Variants in DOCK1 observed in about 807,000 individuals in gnomAD.
DOCK1 encodes dedicator of cytokinesis 1.
DOCK1 carries 138 observed loss-of-function variants against 262.7 expected under a neutral mutation model. The observed-to-expected ratio is 0.53, with a 90% CI of 0.46 to 0.61. The LOEUF (loss-of-function observed/expected upper bound fraction) is 0.61, where lower values mean the gene tolerates loss of function less well. Among genes scored for constraint, DOCK1 ranks in the 20% least tolerant of loss-of-function variants. DOCK1 has a pLI of 0.00. For missense variants in DOCK1, 1,908 were observed against 2,370.7 expected, an observed-to-expected ratio of 0.80 and a Z score of 4.05; for synonymous variants, 866 against 867.4, an observed-to-expected ratio of 1.00 and a Z score of 0.03.
chr10:126,997,964 C>A, intron 7 of DOCK1, 128 bp from the exon 8 acceptor site: 2 of 1,214,596 alleles, frequency 1.6e-6, no homozygotes, highest in Non-Finnish European at 2.3e-6. Context: ...AAGAAAGTGA[C>A]TGCACCAAGG....
At chr10:127,380,173 G>T (rs1026486986) in intron 36 of DOCK1, 51 bp downstream of exon 36, 17 of 1,325,034 alleles carry the variant, frequency 1.3e-5, no homozygotes, top group Non-Finnish European at 1.7e-5. Flanking sequence ...AATAATATAT[G>T]TTGTATGTTT....
At chr10:126,918,034 T>G (rs1160390301) in intron 1 of DOCK1, among the ~76,000 whole-genome samples, 1 of 152,206 alleles carries the variant, frequency 6.6e-6, no homozygotes, top group African/African-American at 2.4e-5. Flanking sequence ...TGAGAGCTTG[T>G]GCTGCCTGCA....
chr10:127,350,854 G>T (rs186273632), intron 31 of DOCK1, among the ~76,000 whole-genome samples: 2 of 152,290 alleles, frequency 1.3e-5, no homozygotes, highest in African/African-American at 4.8e-5. Context: ...CCCAGCCTGA[G>T]ATTTTAAAGG....
At chr10:127,145,383 C>T (rs973450461) in intron 27 of DOCK1, among the ~76,000 whole-genome samples, 3 of 152,190 alleles carry the variant, frequency 2.0e-5, no homozygotes, top group African/African-American at 4.8e-5. Context: ...GCCAGGAAGA[C>T]GAGTCATGAT....
At chr10:127,243,389 C>T (rs1031907848) in intron 27 of DOCK1, among the ~76,000 whole-genome samples, 9 of 152,180 alleles carry the variant, frequency 5.9e-5, no homozygotes, top group South Asian at 2.1e-4. Context: ...CTGAATGTCC[C>T]CCTGCTCCAC....
At position 126,999,446 on chromosome 10, in the gene DOCK1, C is replaced by T. The variant is rs1366817224; in HGVS notation, c.849+11C>T. On this transcript the variant is annotated intron_variant, in intron 9 of 51. Transcript: ENST00000623213. ...CGAGCCGTGTTTACTGTAAGTGCAC[C>T]CAAAGATGCTTAGTTGAATTGGCTA... The T allele has an allele frequency of 2.5e-6, 4 of 1,609,254 alleles. No individual in the cohort carries two copies. Among genetic ancestry groups the T allele is most frequent in the East Asian group, 2.2e-5 (1 of 44,868 alleles).
At chr10:127,093,276 C>T (rs1366713150) in intron 23 of DOCK1, among the ~76,000 whole-genome samples, 3 of 79,184 alleles carry the variant, frequency 3.8e-5, no homozygotes, top group African/African-American at 1.2e-4. Flanking sequence ...GACAGGGTCT[C>T]GCTCTGTCAT....
At chr10:127,052,877 T>C (rs1347670071) in intron 22 of DOCK1, 62 bp downstream of exon 22, 4 of 1,552,332 alleles carry the variant, frequency 2.6e-6, no homozygotes, top group Non-Finnish European at 3.5e-6. Context: ...CCTTCACTTC[T>C]TTCCTTCCCC....
At chr10:127,205,318 A>G (rs1484826114) in intron 27 of DOCK1, among the ~76,000 whole-genome samples, 1 of 151,882 alleles carries the variant, frequency 6.6e-6, no homozygotes, top group Non-Finnish European at 1.5e-5. Flanking sequence ...TCTGCTTCCG[A>G]CTCCAGCGTG....
chr10:126,919,414 G>A (rs2032943768), intron 1 of DOCK1, among the ~76,000 whole-genome samples: 3 of 152,144 alleles, frequency 2.0e-5, no homozygotes, highest in Admixed American at 6.5e-5. Flanking sequence ...AACGTCATAA[G>A]TGTTTTCCTG....
rs759475811 is a variant in DOCK1 at position 127,176,315 on chromosome 10, C to G, written c.2847+48551C>G. On this transcript the variant is annotated intron_variant, in intron 27 of 51. Coordinates refer to ENST00000623213, the MANE Select transcript of DOCK1 (RefSeq NM_001290223.2). The surrounding 1 kb of genome is among the most constrained non-coding windows in gnomAD (Gnocchi z 4.4). Reference sequence around the variant, plus strand: ...GGTTGGGGTCCAGGGCGTATTTCATCTCCAGGGCCAGGCAGGCGGCGGGTT... The same window carrying G: ...GGTTGGGGTCCAGGGCGTATTTCATGTCCAGGGCCAGGCAGGCGGCGGGTT... The G allele has an allele frequency of 1.2e-6, 2 of 1,614,132 alleles. No individual in the cohort carries two copies. Among genetic ancestry groups the G allele is most frequent in the Admixed American group, 3.3e-5 (2 of 60,026 alleles).
At chr10:127,261,737 G>A (rs1316018126) in intron 29 of DOCK1, among the ~76,000 whole-genome samples, 3 of 133,384 alleles carry the variant, frequency 2.2e-5, no homozygotes, top group Admixed American at 2.2e-4. Flanking sequence ...GTGCGTGTGT[G>A]TACCCGTGCT....
intron 46 of DOCK1, among the ~76,000 whole-genome samples, chr10:127,421,869 A>T (rs1288720225): frequency 6.6e-6 from 1 of 152,158 alleles, no homozygotes; most frequent in Non-Finnish European, 1.5e-5. Flanking sequence ...TTCTCCACGG[A>T]TCTGTCAAGG....
chr10:127,052,543 G>T, intron 21 of DOCK1, 138 bp from the exon 22 acceptor site: 8 of 1,136,200 alleles, frequency 7.0e-6, no homozygotes, highest in Middle Eastern at 2.7e-4. Flanking sequence ...AAAAAAAAGA[G>T]AAAACGTTTT....
At chr10:127,135,992 T>G (rs544893803) in intron 27 of DOCK1, 5 of 152,792 alleles carry the variant, frequency 3.3e-5, no homozygotes, top group African/African-American at 1.2e-4. Context: ...TTACACTTCC[T>G]TCATGTTACA....
At chr10:127,366,719 G>A (rs2064936974) in intron 33 of DOCK1, among the ~76,000 whole-genome samples, 1 of 152,206 alleles carries the variant, frequency 6.6e-6, no homozygotes, top group Admixed American at 6.5e-5. Flanking sequence ...GCACATTGGT[G>A]CAGGGTTGGC....
At chr10:126,981,787 A>G (rs892110501) in intron 3 of DOCK1, 131 bp from the exon 4 acceptor site, 4 of 797,768 alleles carry the variant, frequency 5.0e-6, no homozygotes. Context: ...GTTTTCTTTG[A>G]TATGTTAAGA....
In DOCK1 at chr10:127,110,374, T is replaced by C. The variant is rs774202550; in HGVS notation, c.2623+20T>C. 6.3e-7 allele frequency: 1 copy of C among 1,590,964 alleles called. No homozygotes were observed. Among genetic ancestry groups the C allele is most frequent in the Non-Finnish European group, 8.6e-7 (1 of 1,163,420 alleles). Reference sequence around the variant, plus strand: ...AGCATGGTGAGTGGAACCCCAAGAATTATTCACTTGTCCTGTTATTTATTT... The same window carrying C: ...AGCATGGTGAGTGGAACCCCAAGAACTATTCACTTGTCCTGTTATTTATTT... On this transcript the variant is annotated intron_variant, in intron 25 of 51. Transcript: ENST00000623213.
chr10:126,912,116 T>A (rs1406811600), intron 1 of DOCK1, among the ~76,000 whole-genome samples: 1 of 152,136 alleles, frequency 6.6e-6, no homozygotes, highest in Non-Finnish European at 1.5e-5. Context: ...TGTGTCAGTG[T>A]CCTCATTTCC....
Sources: allele counts gnomAD v4.1 joint callset (sites outside exome capture counted in the v4.1 genomes callset), GRCh38; gene constraint gnomAD v4.1.1; non-coding constraint Gnocchi (gnomAD v3.1); transcripts MANE v1.5; gene names NCBI Gene and HGNC (gene_info 2026-07-23, HGNC 2026-07-21).